The following MAP2 variants were observed in gnomAD, a reference collection of about 807,000 sequenced individuals.
The protein encoded by MAP2 is microtubule associated protein 2, also known as microtubule-associated protein 2.
MAP2 carries 14 observed loss-of-function variants against 137.6 expected under a neutral mutation model. The ratio of observed to expected loss-of-function variants is 0.10; its 90% CI spans 0.07 to 0.16. MAP2 has a LOEUF of 0.16. MAP2 is among the 10% of genes least tolerant of loss of function. MAP2 has a pLI of 1.00. For missense variants in MAP2, 2,088 were observed against 2,191.5 expected (o/e 0.95, Z 0.94); for synonymous variants, 786 against 782.3 (o/e 1.00, Z -0.08).
intron 2 of MAP2, among the ~76,000 whole-genome samples, chr2:209,523,095 C>T (rs1384630425): frequency 2.6e-5 from 4 of 152,082 alleles, no homozygotes; most frequent in Admixed American, 2.6e-4. Flanking sequence ...CATCTCTCCT[C>T]CTTTTATTCT....
intron 2 of MAP2, among the ~76,000 whole-genome samples, chr2:209,566,143 A>G (rs1331189273): frequency 2.0e-5 from 3 of 152,196 alleles, no homozygotes; most frequent in Admixed American, 6.5e-5. Flanking sequence ...CACTTAATTT[A>G]TCCTGTTGAT....
intron 5 of MAP2, among the ~76,000 whole-genome samples, chr2:209,674,107 G>GA (rs973496498): frequency 1.3e-5 from 2 of 149,350 alleles, no homozygotes; most frequent in African/African-American, 2.5e-5. Flanking sequence ...CTTTGCCTTG[G>GA]AAAAAAAAAT....
At chr2:209,629,905 ATTGT>A (rs2092799014) in intron 4 of MAP2, among the ~76,000 whole-genome samples, 1 of 152,144 alleles carries the variant, frequency 6.6e-6, no homozygotes, top group African/African-American at 2.4e-5. Flanking sequence ...TTCTGGGCAG[ATTGT>A]TTGGGCTGGA....
intron 1 of MAP2, among the ~76,000 whole-genome samples, chr2:209,462,974 C>T (rs999359996): frequency 2.2e-4 from 34 of 152,034 alleles, no homozygotes; most frequent in African/African-American, 8.2e-4. Flanking sequence ...TGTCAACTCC[C>T]AGCATAATGC....
At chr2:209,597,537 T>C (rs1199973192) in intron 3 of MAP2, among the ~76,000 whole-genome samples, 2 of 152,164 alleles carry the variant, frequency 1.3e-5, no homozygotes, top group African/African-American at 4.8e-5. Context: ...ACAGGCACCA[T>C]TGTACACATG....
At chr2:209,546,455 G>A (rs996322267) in intron 2 of MAP2, among the ~76,000 whole-genome samples, 2 of 152,212 alleles carry the variant, frequency 1.3e-5, no homozygotes, top group African/African-American at 2.4e-5. Flanking sequence ...GATAATGTCT[G>A]TGGAGTCAGT....
intron 2 of MAP2, among the ~76,000 whole-genome samples, chr2:209,523,914 C>A (rs190864818): frequency 1.3e-5 from 2 of 152,028 alleles, no homozygotes; most frequent in Non-Finnish European, 2.9e-5. Flanking sequence ...TGAAAAGTTC[C>A]GTTTAAGTCC....
intron 2 of MAP2, among the ~76,000 whole-genome samples, chr2:209,574,615 T>A (rs1350023259): frequency 1.3e-5 from 2 of 152,214 alleles, no homozygotes; most frequent in Non-Finnish European, 2.9e-5. Context: ...ATAGCTTCTC[T>A]AGGTATTAGG....
intron 2 of MAP2, among the ~76,000 whole-genome samples, chr2:209,521,306 G>A (rs1422007786): frequency 6.6e-6 from 1 of 151,918 alleles, no homozygotes; most frequent in East Asian, 1.9e-4. Flanking sequence ...AAAATATAAT[G>A]TATCATTTCC....
At chr2:209,535,788 T>A (rs1029587125) in intron 2 of MAP2, among the ~76,000 whole-genome samples, 1 of 152,134 alleles carries the variant, frequency 6.6e-6, no homozygotes, top group African/African-American at 2.4e-5. Flanking sequence ...TATAATCATT[T>A]GATTAAAATA....
At chr2:209,673,547 A>G (rs575904837) in intron 5 of MAP2, among the ~76,000 whole-genome samples, 1 of 151,984 alleles carries the variant, frequency 6.6e-6, no homozygotes, top group Admixed American at 6.6e-5. Flanking sequence ...AATTTCTAAC[A>G]TAAACTAAAA....
intron 3 of MAP2, among the ~76,000 whole-genome samples, chr2:209,622,904 T>A (rs756663193): frequency 3.3e-5 from 5 of 152,148 alleles, no homozygotes; most frequent in Non-Finnish European, 7.3e-5. Flanking sequence ...CTGATAGGTA[T>A]TGGGTACCCT....
chr2:209,691,553 T>C (rs1247598716), intron 7 of MAP2, among the ~76,000 whole-genome samples: 1 of 152,254 alleles, frequency 6.6e-6, no homozygotes, highest in Non-Finnish European at 1.5e-5. Flanking sequence ...GATTGAATTT[T>C]ATTATTTTTC....
intron 1 of MAP2, among the ~76,000 whole-genome samples, chr2:209,485,586 C>A (rs1366517084): frequency 6.6e-6 from 1 of 152,184 alleles, no homozygotes; most frequent in African/African-American, 2.4e-5. Context: ...AAGCAGGTGT[C>A]ACGCTGATGA....
intron 1 of MAP2, among the ~76,000 whole-genome samples, chr2:209,440,921 A>G (rs1302092602): frequency 6.6e-6 from 1 of 151,584 alleles, no homozygotes; most frequent in Non-Finnish European, 1.5e-5. Context: ...GCAACTAAAC[A>G]GACTATAAAT....
intron 3 of MAP2, among the ~76,000 whole-genome samples, chr2:209,615,200 C>G (rs2088766306): frequency 6.6e-5 from 10 of 152,154 alleles, no homozygotes; most frequent in Admixed American, 6.5e-4. Context: ...TGCTCTGTCC[C>G]CTGTGTTCAG....
In MAP2 at chr2:209,676,967, G is replaced by T. The variant is rs182855729; in HGVS notation, c.263-1605G>T. On this transcript the variant is annotated intron_variant, in intron 5 of 15. Transcript: ENST00000682079. ...TGTAACATTATTAAACAATTTAGAC[G>T]TCTAAGCATGATCTTTACAGCTAAT... is the stretch of plus-strand genomic sequence containing the variant. Among the ~76,000 whole-genome samples, 1,199 of 151,228 alleles carry T rather than the reference G, an allele frequency of 7.9e-3. 17 individuals carry two copies. Among genetic ancestry groups the T allele is most frequent in the African/African-American group, 0.027 (1,118 of 41,204 alleles).
intron 12 of MAP2, among the ~76,000 whole-genome samples, chr2:209,709,678 A>C (rs1189878910): frequency 6.6e-6 from 1 of 152,176 alleles, no homozygotes; most frequent in Non-Finnish European, 1.5e-5. Flanking sequence ...ATCAGAAAAA[A>C]AAAATCAGGT....
chr2:209,645,357 C>T (rs1272738830), intron 4 of MAP2, among the ~76,000 whole-genome samples: 3 of 151,974 alleles, frequency 2.0e-5, no homozygotes, highest in Non-Finnish European at 4.4e-5. Context: ...TATAATAAGT[C>T]ATTTATCATT....
Sources: allele counts gnomAD v4.1 joint callset (sites outside exome capture counted in the v4.1 genomes callset), GRCh38; gene constraint gnomAD v4.1.1; transcripts MANE v1.5; gene names NCBI Gene and HGNC (gene_info 2026-07-23, HGNC 2026-07-21).